Variants in SYNE1 observed in about 807,000 individuals in gnomAD.
SYNE1 encodes nesprin-1.
In SYNE1, 616 loss-of-function variants were observed where a neutral mutation model predicts 1,111.0. That is an observed-to-expected ratio of 0.55 (90% CI 0.52 to 0.59). The LOEUF (loss-of-function observed/expected upper bound fraction) is 0.59, where lower values mean the gene tolerates loss of function less well. Ranked by LOEUF, SYNE1 falls within the 20% of genes least tolerant of loss-of-function variation. The pLI is 0.00. For synonymous variants in SYNE1, 3,855 were observed against 3,825.8 expected, an observed-to-expected ratio of 1.01 and a Z score of -0.28; for missense variants, 10,006 against 10,417.0, an observed-to-expected ratio of 0.96 and a Z score of 1.72.
At chr6:152,212,639 T>A (rs4869752) in intron 123 of SYNE1, among the ~76,000 whole-genome samples, 19,637 of 152,176 alleles carry the variant, frequency 0.13, 1,407 homozygotes, top group East Asian at 0.22. Context: ...ATCCTGAGTA[T>A]ATACCTAGGA....
chr6:152,628,126 G>T, intron 3 of SYNE1, 139 bp downstream of exon 3: 2 of 846,300 alleles, frequency 2.4e-6, no homozygotes, highest in Admixed American at 3.6e-5. Context: ...GGCCCTGTTT[G>T]AAAACACTGG....
intron 11 of SYNE1, among the ~76,000 whole-genome samples, chr6:152,494,356 A>T (rs2098987981): frequency 6.6e-6 from 1 of 151,838 alleles, no homozygotes; most frequent in African/African-American, 2.4e-5. Flanking sequence ...CTGCTACCAC[A>T]CCTGACCCCC....
chr6:152,301,797 G>C, intron 92 of SYNE1, 72 bp downstream of exon 92: 2 of 1,482,928 alleles, frequency 1.3e-6, no homozygotes, highest in Non-Finnish European at 1.8e-6. Context: ...ATCAGCCACG[G>C]AGAGGGAACA....
At chr6:152,529,013 C>CT (rs2099181401) in intron 4 of SYNE1, among the ~76,000 whole-genome samples, 1 of 152,118 alleles carries the variant, frequency 6.6e-6, no homozygotes, top group Non-Finnish European at 1.5e-5. Flanking sequence ...AGATTCCTTG[C>CT]TTTTAAAGAG....
intron 3 of SYNE1, among the ~76,000 whole-genome samples, chr6:152,582,495 A>G (rs553407989): frequency 2.2e-4 from 34 of 151,970 alleles, no homozygotes; most frequent in Non-Finnish European, 2.6e-4. Context: ...ACACACACAC[A>G]TATATTACAT....
chr6:152,501,304 G>T (rs2099028473), intron 10 of SYNE1, among the ~76,000 whole-genome samples: 1 of 152,146 alleles, frequency 6.6e-6, no homozygotes, highest in African/African-American at 2.4e-5. Flanking sequence ...AGGCAGTCTG[G>T]TGTCTTGGAG....
intron 92 of SYNE1, among the ~76,000 whole-genome samples, chr6:152,300,988 A>G (rs1292367951): frequency 2.6e-5 from 4 of 152,228 alleles, no homozygotes; most frequent in African/African-American, 4.8e-5. Context: ...TAAAACAATC[A>G]GGGATGGGGG....
chr6:152,235,958 G>T, intron 110 of SYNE1, 149 bp downstream of exon 110: 1 of 800,122 alleles, frequency 1.2e-6, no homozygotes, highest in South Asian at 1.5e-5. Context: ...GCCCAGGCTG[G>T]TCTTGAACTC....
Position 152,433,089 on chromosome 6 carries a change from C to CA in SYNE1, c.4461+705dup, listed in dbSNP as rs112182133. Among the ~76,000 whole-genome samples, 609 of 120,434 alleles carry CA rather than the reference C, an allele frequency of 5.1e-3. 5 individuals carry two copies. Among genetic ancestry groups the CA allele is most frequent in the East Asian group, 0.029 (124 of 4,210 alleles). 79.0% of individuals were successfully genotyped at this position (120,434 alleles called of 152,430 possible). On this transcript the variant is annotated intron_variant, in intron 34 of 145. Transcript: ENST00000367255. ...GAAATAGCAGAGGGTTTTCCCATTCCAAAAAAAAAAAAAGCTGAGGTAGAA... is the reference window on the plus strand; with the variant it reads ...GAAATAGCAGAGGGTTTTCCCATTCCAAAAAAAAAAAAAAGCTGAGGTAGAA...
intron 127 of SYNE1, among the ~76,000 whole-genome samples, chr6:152,199,321 C>T (rs2763024): frequency 0.14 from 20,567 of 152,078 alleles, 1,568 homozygotes; most frequent in Middle Eastern, 0.25. Context: ...AAACAGACAC[C>T]TAAATTTAAC....
At chr6:152,301,535 C>T (rs1352937745) in intron 92 of SYNE1, among the ~76,000 whole-genome samples, 1 of 152,170 alleles carries the variant, frequency 6.6e-6, no homozygotes, top group Admixed American at 6.5e-5. Flanking sequence ...TCCCATCCCC[C>T]AGACAACTAA....
chr6:152,549,172 C>T (rs1437726685), intron 3 of SYNE1, among the ~76,000 whole-genome samples: 1 of 152,206 alleles, frequency 6.6e-6, no homozygotes, highest in Non-Finnish European at 1.5e-5. Context: ...ACTGATGTGT[C>T]TGATACCTCC....
At chr6:152,468,992 G>A (rs993362828) in intron 16 of SYNE1, among the ~76,000 whole-genome samples, 1 of 151,978 alleles carries the variant, frequency 6.6e-6, no homozygotes, top group Non-Finnish European at 1.5e-5. Context: ...TTCCTGGGCT[G>A]GTCTCAAACT....
intron 64 of SYNE1, among the ~76,000 whole-genome samples, chr6:152,361,910 A>G (rs571372558): frequency 1.3e-5 from 2 of 152,160 alleles, no homozygotes; most frequent in African/African-American, 4.8e-5. Context: ...AAGATATTTC[A>G]TGGTGCTACA....
rs754825945 is a variant in SYNE1, at chr6:152,310,531, T to C, written c.16897-13A>G. 6.2e-6 allele frequency: 10 copies of C among 1,613,902 alleles called. No individual in the cohort carries two copies. In the Admixed American group the frequency reaches 1.2e-4, roughly 19 times the overall value. On this transcript the variant is annotated splice_polypyrimidine_tract_variant and intron_variant, in intron 88 of 145. Transcript: ENST00000367255. The stretch of plus-strand genomic sequence containing the variant: ...ATTTTTTCATATCCTAGAGAGTCAA[T>C]ATCAATGTATTGTACTTGAAGTTCA...
At chr6:152,553,563 G>A (rs1381646625) in intron 3 of SYNE1, among the ~76,000 whole-genome samples, 1 of 151,980 alleles carries the variant, frequency 6.6e-6, no homozygotes, top group Non-Finnish European at 1.5e-5. Context: ...TCCTATCCAC[G>A]GACATCTTGA....
intron 3 of SYNE1, among the ~76,000 whole-genome samples, chr6:152,576,204 T>C (rs2099495894): frequency 6.6e-6 from 1 of 152,214 alleles, no homozygotes; most frequent in Non-Finnish European, 1.5e-5. Flanking sequence ...CTATAGGATA[T>C]AAATAAAATC....
At position 152,311,392 on chromosome 6, in the gene SYNE1, G is replaced by A. The variant is rs940935271; in HGVS notation, c.16711-519C>T. Among the ~76,000 whole-genome samples, 18 of 152,282 alleles carry A rather than the reference G, an allele frequency of 1.2e-4. 1 individual carries two copies. The highest frequency in any genetic ancestry group is 1.3e-4 in the Non-Finnish European group (9 of 68,024). On this transcript the variant is annotated intron_variant, in intron 87 of 145. Transcript: ENST00000367255. ...AGTGAGACAAAGGGGTAGAAGATAC[G>A]TGCAATAACTATCAAGAGAAGCAAA...
At chr6:152,267,604 G>C (rs903027102) in intron 100 of SYNE1, among the ~76,000 whole-genome samples, 6 of 152,072 alleles carry the variant, frequency 3.9e-5, no homozygotes, top group Non-Finnish European at 8.8e-5. Context: ...TGACTCTTCT[G>C]TGTAGAAGAC....
Sources: allele counts gnomAD v4.1 joint callset (sites outside exome capture counted in the v4.1 genomes callset), GRCh38; gene constraint gnomAD v4.1.1; transcripts MANE v1.5; gene names NCBI Gene and HGNC (gene_info 2026-07-23, HGNC 2026-07-21).